The following NEDD9 variants were observed in gnomAD, a reference collection of about 807,000 sequenced individuals.
NEDD9 encodes the protein enhancer of filamentation 1.
Under a neutral mutation model 76.6 loss-of-function variants are expected in NEDD9, and 26 were observed. The ratio of observed to expected loss-of-function variants is 0.34; its 90% CI spans 0.25 to 0.47. The LOEUF is 0.47. Among genes scored for constraint, NEDD9 ranks in the 20% least tolerant of loss-of-function variants. The pLI is 1.00. For synonymous variants in NEDD9, 392 were observed against 414.2 expected (o/e 0.95, Z 0.65); for missense variants, 937 against 1,058.5 (o/e 0.89, Z 1.59).
chr6:11,338,650 G>A (rs979396528), intron 1 of NEDD9, among the ~76,000 whole-genome samples: 5 of 152,192 alleles, frequency 3.3e-5, no homozygotes, highest in African/African-American at 9.6e-5. Context: ...TAGGCTGAGC[G>A]CAGTGGCTCA....
upstream of NEDD9, among the ~76,000 whole-genome samples, chr6:11,237,186 A>G (rs955962551): frequency 1.3e-5 from 2 of 151,990 alleles, no homozygotes; most frequent in African/African-American, 4.8e-5. This position sits in a 1 kb window ranked among gnomAD's most constrained non-coding sequence, Gnocchi z 4.9. Context: ...CGGCCCTATT[A>G]TAAGGGCTTT....
At chr6:11,278,971 T>C (rs1170778856) in intron 3 of NEDD9, among the ~76,000 whole-genome samples, 1 of 152,186 alleles carries the variant, frequency 6.6e-6, no homozygotes, top group Non-Finnish European at 1.5e-5. Flanking sequence ...GTTCATTTAA[T>C]GTCTGGGCAA....
At chr6:11,369,081 C>T (rs1255411772) in intron 1 of NEDD9, among the ~76,000 whole-genome samples, 2 of 152,186 alleles carry the variant, frequency 1.3e-5, no homozygotes, top group Non-Finnish European at 2.9e-5. Context: ...GTGGGTGGTA[C>T]AGGTTGGATT....
Position 11,305,839 on chromosome 6 carries a change from G to A in NEDD9, c.12+153C>T, listed in dbSNP as rs115899300. ...AAAATTCACCTAACAGCAAAATCTG[G>A]CAGTCTAAACTTAACAGTATTTTCC... On this transcript the variant is annotated intron_variant, in intron 3 of 3. Transcript: ENST00000397378. 9.2e-3 allele frequency: 8,126 copies of A among 886,232 alleles called. 426 individuals carry two copies. The African/African-American group carries it at 0.11, about 12-fold the overall frequency. The allele number at this position is 886,232 out of a possible 1,614,324, so 54.9% of individuals were successfully genotyped here. A position where few individuals can be genotyped will look rare whatever the true frequency, so the allele number is the denominator to read the frequency against.
chr6:11,203,029 T>TCC (rs1380485995), intron 2 of NEDD9, among the ~76,000 whole-genome samples: 1 of 152,080 alleles, frequency 6.6e-6, no homozygotes, highest in Non-Finnish European at 1.5e-5. Flanking sequence ...CCCTAGCATG[T>TCC]CCCCCCTGCT....
Position 11,193,667 on chromosome 6 carries a change from T to C in NEDD9, c.485A>G (p.His162Arg). ...GGATGGGTACTCGTATACGTAGCCA[T>C]GGCCTGTCCTCACGGGGGTTATCAC... is the stretch of plus-strand genomic sequence containing the variant. ...KKVITPVRTG[H>R]GYVYEYPSRY... The change falls in exon 3 of 7, where the codon CAT (histidine) becomes CGT (arginine). Residue 162 changes from histidine to arginine, a missense_variant. Coordinates refer to ENST00000379446, the MANE Select transcript of NEDD9 (RefSeq NM_006403.4). 1 of 1,613,996 alleles carries C rather than the reference T, an allele frequency of 6.2e-7. No individual in the cohort carries two copies. The highest frequency in any genetic ancestry group is 1.3e-5 in the African/African-American group (1 of 75,026).
intron 2 of NEDD9, chr6:11,306,212 C>A (rs1166421155): frequency 4.9e-6 from 3 of 611,716 alleles, no homozygotes; most frequent in Admixed American, 2.9e-5. Flanking sequence ...AATTGAGATG[C>A]TTTTCATCAT....
intron 2 of NEDD9, among the ~76,000 whole-genome samples, chr6:11,315,353 G>A (rs1011389037): frequency 2.6e-5 from 4 of 152,208 alleles, no homozygotes; most frequent in Non-Finnish European, 5.9e-5. Context: ...AGAGCAAAAG[G>A]CTGCTCTTTG....
At chr6:11,346,477 G>C (rs1252001627) in intron 1 of NEDD9, among the ~76,000 whole-genome samples, 2 of 145,048 alleles carry the variant, frequency 1.4e-5, no homozygotes, top group African/African-American at 5.1e-5. Context: ...AGGCTCGGAG[G>C]CCCCCCCCCC....
intron 1 of NEDD9, among the ~76,000 whole-genome samples, chr6:11,362,491 T>A (rs1056195795): frequency 3.9e-5 from 6 of 152,122 alleles, no homozygotes; most frequent in Non-Finnish European, 7.4e-5. Flanking sequence ...AGGGCTACCA[T>A]GAGCACTTTG....
chr6:11,249,723 T>A (rs1561806063), intron 3 of NEDD9, among the ~76,000 whole-genome samples: 1 of 152,240 alleles, frequency 6.6e-6, no homozygotes, highest in East Asian at 1.9e-4. Context: ...AACTGTTTGA[T>A]AAATGTACAT....
intron 1 of NEDD9, among the ~76,000 whole-genome samples, chr6:11,357,933 G>A (rs77241070): frequency 0.027 from 4,088 of 152,212 alleles, 121 homozygotes; most frequent in Admixed American, 0.093. Context: ...TGTGGGTCCC[G>A]CCTCCAGAGG....
At chr6:11,225,959 C>T (rs1451258781) in intron 1 of NEDD9, among the ~76,000 whole-genome samples, 1 of 152,092 alleles carries the variant, frequency 6.6e-6, no homozygotes, top group African/African-American at 2.4e-5. Flanking sequence ...TCAGCTCCAC[C>T]ACTATCCATA....
intron 3 of NEDD9, among the ~76,000 whole-genome samples, chr6:11,280,258 C>A (rs1259748476): frequency 6.6e-6 from 1 of 152,206 alleles, no homozygotes; most frequent in Non-Finnish European, 1.5e-5. Context: ...CCAATTCCAT[C>A]AGACACTGGG....
intron 2 of NEDD9, among the ~76,000 whole-genome samples, chr6:11,207,760 G>A (rs1758654065): frequency 6.6e-6 from 1 of 152,230 alleles, no homozygotes; most frequent in Non-Finnish European, 1.5e-5. Flanking sequence ...CAGAGAGGAA[G>A]CTTCATGAGG....
intron 3 of NEDD9, among the ~76,000 whole-genome samples, chr6:11,296,459 G>A (rs1049839182): frequency 6.6e-6 from 1 of 152,074 alleles, no homozygotes; most frequent in South Asian, 2.1e-4. Flanking sequence ...TTTTTAGAGA[G>A]GTGATAAAGA....
chr6:11,303,587 G>C (rs1021730548), intron 3 of NEDD9, among the ~76,000 whole-genome samples: 1 of 152,088 alleles, frequency 6.6e-6, no homozygotes, highest in African/African-American at 2.4e-5. Flanking sequence ...AACCAAAACA[G>C]CATGGTACTG....
intron 1 of NEDD9, among the ~76,000 whole-genome samples, chr6:11,218,771 G>A (rs188810987): frequency 3.3e-5 from 5 of 152,244 alleles, no homozygotes; most frequent in Admixed American, 1.3e-4. Flanking sequence ...AAAGAGAAAT[G>A]TCATGTCCAA....
intron 2 of NEDD9, among the ~76,000 whole-genome samples, chr6:11,204,287 T>A (rs746893338): frequency 6.6e-6 from 1 of 152,240 alleles, no homozygotes; most frequent in Non-Finnish European, 1.5e-5. Flanking sequence ...ACTTTTATAA[T>A]TTCACAAGTA....
Sources: allele counts gnomAD v4.1 joint callset (sites outside exome capture counted in the v4.1 genomes callset), GRCh38; gene constraint gnomAD v4.1.1; non-coding constraint Gnocchi (gnomAD v3.1); transcripts MANE v1.5; gene names NCBI Gene and HGNC (gene_info 2026-07-23, HGNC 2026-07-21).